LEKR1: variants seen among roughly 807,000 people sequenced by gnomAD.
The protein encoded by LEKR1 is protein LEKR1.
Under a neutral mutation model 72.4 loss-of-function variants are expected in LEKR1, and 59 were observed. The ratio of observed to expected loss-of-function variants is 0.82; its 90% CI spans 0.66 to 1.01. The LOEUF (loss-of-function observed/expected upper bound fraction) is 1.01, where lower values mean the gene tolerates loss of function less well. Ranked by LOEUF, LEKR1 falls within the 50% of genes least tolerant of loss-of-function variation. LEKR1 has a pLI of 0.00. For synonymous variants in LEKR1, 257 were observed against 263.2 expected, an observed-to-expected ratio of 0.98 and a Z score of 0.23; for missense variants, 728 against 759.2, an observed-to-expected ratio of 0.96 and a Z score of 0.48.
At chr3:157,041,973 A>G (rs143707317) in intron 12 of LEKR1, among the ~76,000 whole-genome samples, 1 of 152,312 alleles carries the variant, frequency 6.6e-6, no homozygotes, top group African/African-American at 2.4e-5. Context: ...TCCTCTAGTC[A>G]TGCCTTATCA....
intron 6 of LEKR1, among the ~76,000 whole-genome samples, chr3:156,964,921 A>G (rs1728436828): frequency 6.6e-6 from 1 of 152,110 alleles, no homozygotes; most frequent in Non-Finnish European, 1.5e-5. Flanking sequence ...TTTCTTCTTT[A>G]TTCCCTAAAT....
chr3:156,831,929 T>C (rs1168114173), intron 2 of LEKR1, among the ~76,000 whole-genome samples: 1 of 152,190 alleles, frequency 6.6e-6, no homozygotes, highest in Non-Finnish European at 1.5e-5. Context: ...AAAGACAGTT[T>C]TAATCCCCCT....
intron 7 of LEKR1, among the ~76,000 whole-genome samples, chr3:156,989,618 A>G (rs1422637737): frequency 6.6e-6 from 1 of 152,196 alleles, no homozygotes; most frequent in East Asian, 1.9e-4. Context: ...ACTGTATGTT[A>G]ATATTTTTCT....
rs559895611 is a variant in LEKR1, at chr3:156,877,067, CTATTGAGATGATCATGATTT to C, written c.263+24087_263+24106del. On this transcript the variant is annotated intron_variant, in intron 3 of 12. Transcript: ENST00000356539. The stretch of plus-strand genomic sequence containing the variant: ...GTTTTGTCAAATGTGTTTTCTGCAC[CTATTGAGATGATCATGATTT>C]TTAAAAAATTCTATTTATGTGATCA... Among the ~76,000 whole-genome samples the C allele has an allele frequency of 6.6e-5, 10 of 152,222 alleles. No individual in the cohort carries two copies. The East Asian group carries it at 1.7e-3, about 26-fold the overall frequency.
intron 2 of LEKR1, among the ~76,000 whole-genome samples, chr3:156,833,728 T>C (rs542773367): frequency 6.6e-6 from 1 of 152,270 alleles, no homozygotes; most frequent in Admixed American, 6.5e-5. Flanking sequence ...ACTTGAAATT[T>C]TGATTTTGGA....
chr3:156,874,747 T>C (rs961785385), intron 3 of LEKR1, among the ~76,000 whole-genome samples: 7 of 152,178 alleles, frequency 4.6e-5, no homozygotes, highest in African/African-American at 1.7e-4. Flanking sequence ...CTTTGTATCA[T>C]CATAGCTTAA....
chr3:156,987,336 C>G (rs1477604926), intron 7 of LEKR1, among the ~76,000 whole-genome samples: 2 of 151,774 alleles, frequency 1.3e-5, no homozygotes, highest in African/African-American at 4.8e-5. Context: ...AGGGGACTTC[C>G]TAGGATGATA....
intron 11 of LEKR1, 127 bp downstream of exon 11, chr3:157,025,051 T>C (rs931218912): frequency 1.6e-6 from 1 of 620,632 alleles, no homozygotes; most frequent in African/African-American, 1.9e-5. Flanking sequence ...TGTCTTGGTT[T>C]TAGCTATGCA....
chr3:156,831,721 G>C (rs1259856526), intron 2 of LEKR1, among the ~76,000 whole-genome samples: 1 of 152,136 alleles, frequency 6.6e-6, no homozygotes, highest in Non-Finnish European at 1.5e-5. Context: ...AGAAGAGCAT[G>C]ATAAAGGTTC....
At chr3:156,982,908 T>TA in intron 7 of LEKR1, among the ~76,000 whole-genome samples, 1 of 140,792 alleles carries the variant, frequency 7.1e-6, no homozygotes, top group Non-Finnish European at 1.6e-5. Flanking sequence ...GATAGATAGA[T>TA]GGAAGAGCTA....
chr3:156,923,129 G>A (rs184563024), intron 4 of LEKR1, among the ~76,000 whole-genome samples: 57 of 151,970 alleles, frequency 3.8e-4, no homozygotes, highest in African/African-American at 1.1e-3. Context: ...TTATTACCCC[G>A]TATCTTTTTA....
At chr3:156,910,994 C>A (rs1349591749) in intron 3 of LEKR1, among the ~76,000 whole-genome samples, 1 of 152,090 alleles carries the variant, frequency 6.6e-6, no homozygotes, top group Admixed American at 6.6e-5. Context: ...GCCCGGCCAG[C>A]ATGTTATTTT....
At chr3:156,854,468 G>A (rs1174668647) in intron 3 of LEKR1, among the ~76,000 whole-genome samples, 1 of 151,546 alleles carries the variant, frequency 6.6e-6, no homozygotes, top group Non-Finnish European at 1.5e-5. Context: ...TAATGATTTG[G>A]TGTATGTCTT....
intron 6 of LEKR1, among the ~76,000 whole-genome samples, chr3:156,945,540 G>A (rs1399825463): frequency 8.6e-5 from 13 of 151,902 alleles, no homozygotes; most frequent in Admixed American, 8.6e-4. Context: ...CAATGTCCTG[G>A]AGGGTTTCCC....
chr3:156,882,194 T>C (rs1038436250), intron 3 of LEKR1, among the ~76,000 whole-genome samples: 3 of 151,996 alleles, frequency 2.0e-5, no homozygotes, highest in Admixed American at 6.5e-5. Flanking sequence ...CAAAAGAAAC[T>C]ACCATCAGAG....
intron 2 of LEKR1, chr3:156,851,323 G>C (rs1715330839): frequency 6.6e-6 from 1 of 152,228 alleles, no homozygotes; most frequent in South Asian, 2.1e-4. Context: ...GACTGGAACT[G>C]GTGCACACTT....
intron 3 of LEKR1, among the ~76,000 whole-genome samples, chr3:156,878,712 G>T (rs556860594): frequency 6.6e-6 from 1 of 152,088 alleles, no homozygotes; most frequent in East Asian, 1.9e-4. Context: ...CTGTGATATG[G>T]TTTGGCTGTG....
At chr3:156,968,725 T>TTC (rs1728865506) in intron 6 of LEKR1, among the ~76,000 whole-genome samples, 1 of 151,930 alleles carries the variant, frequency 6.6e-6, no homozygotes, top group Non-Finnish European at 1.5e-5. Context: ...AGACAGAAAG[T>TTC]TAACAAGGAT....
At chr3:156,863,911 G>A (rs746309438) in intron 3 of LEKR1, among the ~76,000 whole-genome samples, 2 of 151,976 alleles carry the variant, frequency 1.3e-5, no homozygotes, top group African/African-American at 4.8e-5. Context: ...GCCATCCAGT[G>A]TTAGCAACTC....
Sources: allele counts gnomAD v4.1 joint callset (sites outside exome capture counted in the v4.1 genomes callset), GRCh38; gene constraint gnomAD v4.1.1; transcripts MANE v1.5; gene names NCBI Gene and HGNC (gene_info 2026-07-23, HGNC 2026-07-21).